Variants in NEDD9 observed in about 807,000 individuals in gnomAD.
NEDD9 encodes neural precursor cell expressed, developmentally down-regulated 9.
In NEDD9, 26 loss-of-function variants were observed where a neutral mutation model predicts 76.6. That is an observed-to-expected ratio of 0.34 (90% CI 0.25 to 0.47). NEDD9 has a LOEUF of 0.47. NEDD9 is among the 20% of genes least tolerant of loss of function. The pLI is 1.00. For missense variants in NEDD9, 937 were observed against 1,058.5 expected (o/e 0.89, Z 1.59); for synonymous variants, 392 against 414.2 (o/e 0.95, Z 0.65).
rs1158188039 is a variant in NEDD9, at chr6:11,370,570, T to G, written c.-214+11569A>C. 6.6e-6 allele frequency among the ~76,000 whole-genome samples: 1 copy of G among 152,180 alleles called. No individual in the cohort carries two copies. The highest frequency in any genetic ancestry group is 1.5e-5 in the Non-Finnish European group (1 of 68,030). Reference sequence around the variant, plus strand: ...CCCTCACAATCTCCTCATGCTTTTCTGTGTCCTTCCCGTTTTGCAAGGGCC... The same window carrying G: ...CCCTCACAATCTCCTCATGCTTTTCGGTGTCCTTCCCGTTTTGCAAGGGCC... On this transcript the variant is annotated intron_variant, in intron 1 of 3. Transcript: ENST00000397378. The surrounding 1 kb of genome is among the most constrained non-coding windows in gnomAD (Gnocchi z 4.2).
At chr6:11,200,205 C>A in intron 2 of NEDD9, 4 of 428,988 alleles carry the variant, frequency 9.3e-6, no homozygotes, top group South Asian at 6.6e-5. Context: ...CCCAAACCAC[C>A]CCCGACTTTG....
chr6:11,365,982 G>T (rs1229697894), intron 1 of NEDD9, among the ~76,000 whole-genome samples: 1 of 147,844 alleles, frequency 6.8e-6, no homozygotes, highest in East Asian at 2.0e-4. Context: ...CAGAGCAAGA[G>T]ACACAGTCAA....
chr6:11,345,779 G>A (rs1459326635), intron 1 of NEDD9, among the ~76,000 whole-genome samples: 1 of 152,208 alleles, frequency 6.6e-6, no homozygotes, highest in Non-Finnish European at 1.5e-5. Context: ...CACCAATACA[G>A]TAGGAAGTAA....
At chr6:11,369,317 C>A (rs962193339) in intron 1 of NEDD9, among the ~76,000 whole-genome samples, 7 of 151,918 alleles carry the variant, frequency 4.6e-5, no homozygotes, top group African/African-American at 1.5e-4. Flanking sequence ...TATTTATTAA[C>A]AAATTAACAA....
intron 3 of NEDD9, among the ~76,000 whole-genome samples, chr6:11,267,295 G>A (rs971346736): frequency 1.3e-5 from 2 of 151,814 alleles, no homozygotes; most frequent in Non-Finnish European, 2.9e-5. Context: ...ATCATGTGAA[G>A]GACAAATGGC....
chr6:11,203,869 T>C (rs1310404355), intron 2 of NEDD9, among the ~76,000 whole-genome samples: 1 of 152,056 alleles, frequency 6.6e-6, no homozygotes, highest in Non-Finnish European at 1.5e-5. Flanking sequence ...GGCACTGTGG[T>C]TCTGGATGGG....
intron 3 of NEDD9, among the ~76,000 whole-genome samples, chr6:11,304,799 C>A (rs1259454003): frequency 6.6e-6 from 1 of 152,102 alleles, no homozygotes; most frequent in Non-Finnish European, 1.5e-5. Flanking sequence ...CACACCGGGG[C>A]CTGTCAGTGG....
At chr6:11,272,828 T>C (rs1186243050) in intron 3 of NEDD9, among the ~76,000 whole-genome samples, 2 of 152,260 alleles carry the variant, frequency 1.3e-5, no homozygotes, top group Non-Finnish European at 2.9e-5. Flanking sequence ...CTTCATTGCA[T>C]TCTCCAGTGT....
At chr6:11,376,226 C>T (rs1002223639) in intron 1 of NEDD9, among the ~76,000 whole-genome samples, 1 of 152,134 alleles carries the variant, frequency 6.6e-6, no homozygotes, top group East Asian at 1.9e-4. Flanking sequence ...AGAAGTGGAG[C>T]ATTGCTATAA....
At chr6:11,188,369 T>C in intron 5 of NEDD9, 62 bp from the exon 6 acceptor site, 9 of 1,337,272 alleles carry the variant, frequency 6.7e-6, no homozygotes, top group Non-Finnish European at 9.7e-6. Context: ...ATGCTAACAA[T>C]TTCATTGACG....
In NEDD9 at chr6:11,276,007, T is replaced by C. The variant is rs577108945; in HGVS notation, c.12+29985A>G. Among the ~76,000 whole-genome samples, 72 of 152,316 alleles carry C rather than the reference T, an allele frequency of 4.7e-4. 1 individual carries two copies. The South Asian group carries it at 0.014, about 30-fold the overall frequency. On this transcript the variant is annotated intron_variant, in intron 3 of 3. Coordinates refer to the NEDD9 transcript ENST00000397378. Reference sequence around the variant, plus strand: ...TCACTACTTTAAAGTGTTTTAATCATAAGAAATCATCTCAAGACATCATTA... The same window carrying C: ...TCACTACTTTAAAGTGTTTTAATCACAAGAAATCATCTCAAGACATCATTA...
chr6:11,278,435 G>C lies in NEDD9; in HGVS notation c.12+27557C>G, dbSNP rs181367473. Among the ~76,000 whole-genome samples, 5 of 152,264 alleles carry C rather than the reference G, an allele frequency of 3.3e-5. No homozygotes were observed. In the East Asian group the frequency reaches 9.6e-4, roughly 29 times the overall value. Reference sequence around the variant, plus strand: ...GCTCGAGGCCACAGAGTTGAGGTTTGAACCTAGGTAATTGAGCTCTAGACC... The same window carrying C: ...GCTCGAGGCCACAGAGTTGAGGTTTCAACCTAGGTAATTGAGCTCTAGACC... On this transcript the variant is annotated intron_variant, in intron 3 of 3. Coordinates refer to the NEDD9 transcript ENST00000397378.
intron 2 of NEDD9, among the ~76,000 whole-genome samples, chr6:11,322,376 A>C (rs931600214): frequency 1.3e-5 from 2 of 152,086 alleles, no homozygotes; most frequent in Non-Finnish European, 2.9e-5. Flanking sequence ...AGGTTCACTG[A>C]TGGGAGCTTT....
At chr6:11,381,276 C>T (rs1197407154) in intron 1 of NEDD9, among the ~76,000 whole-genome samples, 1 of 152,172 alleles carries the variant, frequency 6.6e-6, no homozygotes. Context: ...GGAGGGACTC[C>T]CCATGCAGGA....
At chr6:11,359,770 T>C (rs1762644449) in intron 1 of NEDD9, among the ~76,000 whole-genome samples, 1 of 152,248 alleles carries the variant, frequency 6.6e-6, no homozygotes, top group African/African-American at 2.4e-5. Context: ...GTGTCCAACC[T>C]GCGAACCACT....
Position 11,232,610 on chromosome 6 carries a change from A to G in NEDD9, c.-95T>C. ...CCTCCATTGAGTGCAGCGCTAGATG[A>G]AAGCGAGAAGGTCCCGGGCAGAGCC... On this transcript the variant is annotated 5_prime_UTR_variant, in exon 1 of 7. Coordinates refer to ENST00000379446, the MANE Select transcript of NEDD9 (RefSeq NM_006403.4). The G allele has an allele frequency of 6.2e-7, 1 of 1,607,102 alleles. No individual in the cohort carries two copies.
At chr6:11,223,678 G>T (rs1759216971) in intron 1 of NEDD9, among the ~76,000 whole-genome samples, 1 of 152,206 alleles carries the variant, frequency 6.6e-6, no homozygotes, top group South Asian at 2.1e-4. Context: ...TATGAGGCGA[G>T]AGCGCCCATG....
At chr6:11,246,323 C>T (rs911491805) in intron 3 of NEDD9, among the ~76,000 whole-genome samples, 1 of 152,190 alleles carries the variant, frequency 6.6e-6, no homozygotes, top group African/African-American at 2.4e-5. Context: ...TGGGCTGCTT[C>T]CATCTCTCTC....
intron 1 of NEDD9, among the ~76,000 whole-genome samples, chr6:11,344,675 C>T (rs967415854): frequency 6.6e-6 from 1 of 152,194 alleles, no homozygotes; most frequent in Non-Finnish European, 1.5e-5. Context: ...CTGCTTGGTG[C>T]TGTGTCCAGG....
Sources: gnomAD v4.1 joint callset for allele counts (sites outside exome capture counted in the v4.1 genomes callset) on GRCh38, gnomAD v4.1.1 for gene constraint, Gnocchi (gnomAD v3.1) non-coding constraint, MANE v1.5 for transcripts, NCBI Gene and HGNC (gene_info 2026-07-23, HGNC 2026-07-21) for gene names.